The following FYB2 variants were observed in gnomAD, a reference collection of about 807,000 sequenced individuals.
FYB2 encodes the protein FYN-binding protein 2.
A neutral mutation model predicts 94.1 loss-of-function variants in FYB2; 103 were observed. The observed-to-expected ratio is 1.09, with a 90% CI of 0.93 to 1.29. The LOEUF is 1.29. FYB2 is among the 50% of genes most tolerant of loss of function. The probability of loss-of-function intolerance (pLI) is 0.00; values close to 1 mark genes in which losing one functional copy is unlikely to be tolerated. For missense variants in FYB2, 896 were observed against 841.5 expected, an observed-to-expected ratio of 1.06 and a Z score of -0.80; for synonymous variants, 293 against 287.9, an observed-to-expected ratio of 1.02 and a Z score of -0.18.
chr1:56,814,063 TGTGGCCAAGGGGTAGGGAAG>T (rs1557675638), intron 1 of FYB2, among the ~76,000 whole-genome samples: 1 of 152,108 alleles, frequency 6.6e-6, no homozygotes. Flanking sequence ...AAAGACCAAC[TGTGGCCAAGGGGTAGGGAAG>T]GTTTCTCAAG....
In FYB2 at chr1:56,785,599, A is replaced by T. The variant is rs562522259; in HGVS notation, c.953+1576T>A. Among the ~76,000 whole-genome samples the T allele has an allele frequency of 4.6e-5, 7 of 152,312 alleles. No homozygotes were observed. The South Asian group carries it at 1.5e-3, about 32-fold the overall frequency. On this transcript the variant is annotated intron_variant, in intron 4 of 19. Transcript: ENST00000343433. ...CTTGTTGAATAAGATTGTCTTATCA[A>T]TTCCCTGTTGTACAAGATCCTCTGT...
In FYB2 at chr1:56,720,062, GA is replaced by G. The variant is rs1644456244; in HGVS notation, c.2132-8del. The G allele has an allele frequency of 6.3e-7, 1 of 1,599,678 alleles. No individual in the cohort carries two copies. The highest frequency in any genetic ancestry group is 1.8e-5 in the Admixed American group (1 of 56,950). ...TCAATGAGCACATATCCATCTAATA[GA>G]AACAAAAGTCACCGTTAATTTGAAA... is the stretch of plus-strand genomic sequence containing the variant. On this transcript the variant is annotated splice_polypyrimidine_tract_variant and splice_region_variant and intron_variant, in intron 18 of 19. Transcript: ENST00000343433.
chr1:56,757,895 G>A lies in FYB2; in HGVS notation c.1098+821C>T, dbSNP rs1193579494. On this transcript the variant is annotated intron_variant, in intron 6 of 19. Coordinates refer to ENST00000343433, the MANE Select transcript of FYB2 (RefSeq NM_001004303.5). ...AACGGTCCTCCTGCCTCAGCCTCTC[G>A]AGTAGCTGGGACTACAGGCATATAC... Among the ~76,000 whole-genome samples, 5 of 149,534 alleles carry A rather than the reference G, an allele frequency of 3.3e-5. No homozygotes were observed. In the South Asian group the frequency reaches 8.5e-4, roughly 25 times the overall value.
At chr1:56,722,498 G>A (rs554810296) in intron 17 of FYB2, among the ~76,000 whole-genome samples, 1 of 152,110 alleles carries the variant, frequency 6.6e-6, no homozygotes, top group Non-Finnish European at 1.5e-5. Flanking sequence ...TAGAAGATTT[G>A]GGCAAGTCTT....
At chr1:56,735,895 C>T (rs994564432) in intron 15 of FYB2, among the ~76,000 whole-genome samples, 23 of 151,964 alleles carry the variant, frequency 1.5e-4, no homozygotes, top group African/African-American at 5.6e-4. Flanking sequence ...AATACAACTA[C>T]CATAGGATGA....
chr1:56,719,384 C>T lies in FYB2; in HGVS notation c.*287G>A, dbSNP rs952126597. ...ATGATTTCTAACTTTGGATATGGCT[C>T]ATTAAATAAGTGCTCAAATGCTAAC... On this transcript the variant is annotated 3_prime_UTR_variant, in exon 20 of 20. Transcript: ENST00000343433. 9 of 322,966 alleles carry T rather than the reference C, an allele frequency of 2.8e-5. No homozygotes were observed. Among genetic ancestry groups the T allele is most frequent in the African/African-American group, 1.3e-4 (6 of 46,528 alleles). The allele number at this position is 322,966 out of a possible 1,614,324, so 20.0% of individuals were successfully genotyped here.
Position 56,740,739 on chromosome 1 carries a change from T to C in FYB2, c.1661A>G (p.Asp554Gly), listed in dbSNP as rs1644932760. The C allele has an allele frequency of 1.9e-6, 3 of 1,608,628 alleles. No homozygotes were observed. Among genetic ancestry groups the C allele is most frequent in the African/African-American group, 1.3e-5 (1 of 74,564 alleles). ...RLQQFFKKEK[D>G]RFKIKKTKSK... ...CTTGGTTTTCTTTATTTTAAATCTA[T>C]CCTTTTCTTTCTTGAAGAATTGCTG... Residue 554 changes from aspartate to glycine, a missense_variant, in exon 13 of 20, where the codon GAT (aspartate) becomes GGT (glycine). Physicochemically the swap from Asp to Gly is moderately conservative, Grantham distance 94. Coordinates refer to ENST00000343433, the MANE Select transcript of FYB2 (RefSeq NM_001004303.5).
rs185561298 is a variant in FYB2, at chr1:56,766,717, G to T, written c.1063+1112C>A. Reference sequence around the variant, plus strand: ...CTCCCAAAATGCTGGGATTACAGGCGTGAGCCACTGCGCCCGGTCCCAACT... The same window carrying T: ...CTCCCAAAATGCTGGGATTACAGGCTTGAGCCACTGCGCCCGGTCCCAACT... On this transcript the variant is annotated intron_variant, in intron 5 of 19. Transcript: ENST00000343433. 9.8e-5 allele frequency among the ~76,000 whole-genome samples: 15 copies of T among 152,292 alleles called. No homozygotes were observed. In the East Asian group the frequency reaches 2.9e-3, roughly 30 times the overall value.
At chr1:56,741,287 GC>G (rs1303046074) in intron 12 of FYB2, among the ~76,000 whole-genome samples, 2 of 152,080 alleles carry the variant, frequency 1.3e-5, no homozygotes, top group African/African-American at 4.8e-5. Flanking sequence ...ACAAACTACT[GC>G]AAGTAATCTC....
chr1:56,819,309 A>G lies in FYB2; in HGVS notation c.-19T>C. 1 of 1,614,176 alleles carries G rather than the reference A, an allele frequency of 6.2e-7. No homozygotes were observed. Among genetic ancestry groups the G allele is most frequent in the Non-Finnish European group, 8.5e-7 (1 of 1,180,030 alleles). On this transcript the variant is annotated 5_prime_UTR_variant, in exon 1 of 20. Coordinates refer to ENST00000343433, the MANE Select transcript of FYB2 (RefSeq NM_001004303.5). Reference sequence around the variant, plus strand: ...CTTCCATTGCTTTCCTCCAAGGCAGAGTCAGGGAAACAAGCCCAGCCTCTC... The same window carrying G: ...CTTCCATTGCTTTCCTCCAAGGCAGGGTCAGGGAAACAAGCCCAGCCTCTC...
intron 4 of FYB2, among the ~76,000 whole-genome samples, chr1:56,777,941 C>G (rs1645920107): frequency 6.6e-6 from 1 of 152,134 alleles, no homozygotes. Context: ...TTTCCAGAGG[C>G]ATCCTATGGT....
chr1:56,743,999 A>G (rs778311041), intron 11 of FYB2, 27 bp downstream of exon 11: 2 of 1,607,914 alleles, frequency 1.2e-6, no homozygotes, highest in African/African-American at 2.7e-5. Context: ...CCTACTGGCA[A>G]CTTCAGAAAT....
chr1:56,734,925 TTAGGA>T (rs1644798458), intron 15 of FYB2, among the ~76,000 whole-genome samples: 2 of 151,982 alleles, frequency 1.3e-5, no homozygotes, highest in Admixed American at 1.3e-4. Context: ...TTCATCCCTG[TTAGGA>T]TGGCATTCAT....
intron 9 of FYB2, among the ~76,000 whole-genome samples, chr1:56,745,115 G>A (rs971910673): frequency 3.3e-5 from 5 of 152,014 alleles, no homozygotes; most frequent in African/African-American, 1.2e-4. Context: ...TTCTCAAGGA[G>A]TTATCAGTAA....
intron 15 of FYB2, among the ~76,000 whole-genome samples, chr1:56,735,809 G>A (rs913365641): frequency 6.6e-6 from 1 of 152,124 alleles, no homozygotes; most frequent in Admixed American, 6.5e-5. Flanking sequence ...ACGCGGAACT[G>A]CGAGTCAATT....
rs1225305155 is a variant in FYB2, at chr1:56,740,783, T to C, written c.1617A>G (p.Lys539=). 2 of 1,601,926 alleles carry C rather than the reference T, an allele frequency of 1.2e-6. No individual in the cohort carries two copies. Among genetic ancestry groups the C allele is most frequent in the East Asian group, 4.5e-5 (2 of 44,660 alleles). The change falls in exon 13 of 20, where the codon AAA becomes AAG. Residue 539 remains lysine, a synonymous_variant. Transcript: ENST00000343433. ...ATTGCTGCAGTCTTTTGAGTGCTTCTTTTCCATCTAAACTGAGAGGAATCA... is the reference window on the plus strand; with the variant it reads ...ATTGCTGCAGTCTTTTGAGTGCTTCCTTTCCATCTAAACTGAGAGGAATCA... The part of the protein sequence containing the change: ...NNYPKIDLDG[K]EALKRLQQFF...
intron 15 of FYB2, among the ~76,000 whole-genome samples, chr1:56,730,823 G>C (rs12747497): frequency 6.6e-6 from 1 of 151,904 alleles, no homozygotes; most frequent in South Asian, 2.1e-4. Context: ...AAGCAGACAA[G>C]GATACGAAAA....
intron 4 of FYB2, among the ~76,000 whole-genome samples, chr1:56,775,629 C>A (rs1645858368): frequency 6.6e-6 from 1 of 152,112 alleles, no homozygotes; most frequent in South Asian, 2.1e-4. Context: ...AGATAAGAAG[C>A]CAGATATTTG....
chr1:56,756,014 C>G, intron 6 of FYB2, 87 bp from the exon 7 acceptor site: 1 of 1,319,312 alleles, frequency 7.6e-7, no homozygotes, highest in Non-Finnish European at 1.1e-6. Context: ...GAGACTACAC[C>G]AAAAGGTGAG....
Sources: allele counts gnomAD v4.1 joint callset (sites outside exome capture counted in the v4.1 genomes callset), GRCh38; gene constraint gnomAD v4.1.1; transcripts MANE v1.5; gene names NCBI Gene and HGNC (gene_info 2026-07-23, HGNC 2026-07-21).